MAML2: variants seen among roughly 807,000 people sequenced by gnomAD.
MAML2 encodes the protein mastermind-like protein 2.
Under a neutral mutation model 96.1 loss-of-function variants are expected in MAML2, and 22 were observed. The observed-to-expected ratio is 0.23, with a 90% confidence interval of 0.16 to 0.33. The LOEUF is 0.33. Ranked by LOEUF, MAML2 falls within the 10% of genes least tolerant of loss-of-function variation. MAML2 has a pLI of 1.00. For synonymous variants in MAML2, 561 were observed against 521.3 expected (o/e 1.08, Z -1.04); for missense variants, 1,367 against 1,392.4 (o/e 0.98, Z 0.29).
At chr11:96,059,258 T>C (rs985614229) in intron 2 of MAML2, among the ~76,000 whole-genome samples, 4 of 152,220 alleles carry the variant, frequency 2.6e-5, no homozygotes, top group South Asian at 4.1e-4. Context: ...AAATGGATGA[T>C]AGAATTTCAT....
chr11:96,003,268 A>C (rs758750014), intron 2 of MAML2, among the ~76,000 whole-genome samples: 2 of 152,112 alleles, frequency 1.3e-5, no homozygotes, highest in African/African-American at 2.4e-5. Context: ...CTGATGGAAT[A>C]AGAGTTCTAC....
At chr11:96,135,566 C>A (rs1485817500) in intron 1 of MAML2, among the ~76,000 whole-genome samples, 9 of 92,354 alleles carry the variant, frequency 9.7e-5, no homozygotes, top group East Asian at 7.6e-4. Flanking sequence ...TTTTTTTAAA[C>A]CGTGGTAATG....
chr11:96,232,765 C>A (rs1369831857), intron 1 of MAML2, among the ~76,000 whole-genome samples: 1 of 152,208 alleles, frequency 6.6e-6, no homozygotes, highest in African/African-American at 2.4e-5. Context: ...AGCCACCGCG[C>A]CCGGCCAAGG....
rs554151724 is a variant in MAML2, at chr11:96,057,517, T to G, written c.2139+34375A>C. ...TGGTAACCAAAATAAAATAGTATTG[T>G]TCCTCAAAAAGCTCCTAATAGAGCT... On this transcript the variant is annotated intron_variant, in intron 2 of 4. Coordinates refer to ENST00000524717, the MANE Select transcript of MAML2 (RefSeq NM_032427.4). Among the ~76,000 whole-genome samples, 5 of 152,352 alleles carry G rather than the reference T, an allele frequency of 3.3e-5. No homozygotes were observed. In the East Asian group the frequency reaches 9.6e-4, roughly 29 times the overall value.
At position 96,092,364 on chromosome 11, in the gene MAML2, G is replaced by C; in HGVS notation, c.1667C>G (p.Thr556Ser). 1 of 1,613,668 alleles carries C rather than the reference G, an allele frequency of 6.2e-7. No homozygotes were observed. The highest frequency in any genetic ancestry group is 8.5e-7 in the Non-Finnish European group (1 of 1,179,766). ...TGAGTTAAAATGAAACAAAGGCTTG[G>C]TGTTGCCCTGACGGGGCTCCATGGC... Reference protein sequence around the residue: ...HPAMEPRQGNTKPLFHFNSDQ... With the variant: ...HPAMEPRQGNSKPLFHFNSDQ... The change falls in exon 2 of 5, where the codon ACC (threonine) becomes AGC (serine). Residue 556 changes from threonine (T) to serine (S), a missense_variant. Thr to Ser is a moderately conservative substitution (Grantham distance 58). Coordinates refer to ENST00000524717, the MANE Select transcript of MAML2 (RefSeq NM_032427.4). This position sits in a 1 kb window ranked among gnomAD's most constrained non-coding sequence, Gnocchi z 4.1.
intron 2 of MAML2, among the ~76,000 whole-genome samples, chr11:96,055,958 T>A (rs537867918): frequency 7.9e-4 from 120 of 152,354 alleles, no homozygotes; most frequent in African/African-American, 2.8e-3. Flanking sequence ...AATAGCATTA[T>A]AACCTTTTTT....
At chr11:96,340,437 G>T (rs543549341) in intron 1 of MAML2, among the ~76,000 whole-genome samples, 1 of 152,230 alleles carries the variant, frequency 6.6e-6, no homozygotes. Flanking sequence ...AGCAGCTTTG[G>T]GGGGAAGCCT....
At chr11:96,164,049 AT>A (rs1007269268) in intron 1 of MAML2, among the ~76,000 whole-genome samples, 1 of 149,442 alleles carries the variant, frequency 6.7e-6, no homozygotes, top group Non-Finnish European at 1.5e-5. Flanking sequence ...TTTTTTTGGT[AT>A]TTTTAGTAAA....
chr11:96,091,856 C>G (rs781622085), intron 2 of MAML2, 36 bp downstream of exon 2: 3 of 1,590,590 alleles, frequency 1.9e-6, no homozygotes, highest in Admixed American at 1.7e-5. Context: ...TAAATGGTCT[C>G]TGGGAACTCT....
chr11:96,096,220 C>A (rs1218267714), intron 1 of MAML2, among the ~76,000 whole-genome samples: 1 of 152,190 alleles, frequency 6.6e-6, no homozygotes, highest in Non-Finnish European at 1.5e-5. Flanking sequence ...ACTGCTCTGG[C>A]CACTCCCTGG....
intron 2 of MAML2, among the ~76,000 whole-genome samples, chr11:96,070,345 A>T (rs996530819): frequency 6.6e-6 from 1 of 152,224 alleles, no homozygotes; most frequent in African/African-American, 2.4e-5. Context: ...CAGGGCTGAA[A>T]CATGCCCCTT....
At chr11:96,134,485 T>C (rs1860596783) in intron 1 of MAML2, among the ~76,000 whole-genome samples, 1 of 152,252 alleles carries the variant, frequency 6.6e-6, no homozygotes, top group Non-Finnish European at 1.5e-5. Flanking sequence ...TCTGGGATTA[T>C]TTATTTGTTT....
At chr11:96,091,261 C>T (rs1403454255) in intron 2 of MAML2, among the ~76,000 whole-genome samples, 2 of 152,162 alleles carry the variant, frequency 1.3e-5, no homozygotes, top group Non-Finnish European at 2.9e-5. Flanking sequence ...GGGTAAGATA[C>T]CCAAACTCTG....
intron 2 of MAML2, among the ~76,000 whole-genome samples, chr11:95,993,385 T>C (rs949530175): frequency 3.9e-5 from 6 of 152,116 alleles, no homozygotes; most frequent in African/African-American, 2.4e-5. Flanking sequence ...CTGGCCAACA[T>C]GGTTAAACCC....
chr11:96,112,382 A>G (rs1469389036), intron 1 of MAML2, among the ~76,000 whole-genome samples: 2 of 152,274 alleles, frequency 1.3e-5, no homozygotes, highest in Admixed American at 1.3e-4. Context: ...TCTCAGGAGC[A>G]TGGCCTCGGG....
chr11:96,030,844 G>T (rs1858602652), intron 2 of MAML2, among the ~76,000 whole-genome samples: 1 of 152,208 alleles, frequency 6.6e-6, no homozygotes, highest in African/African-American at 2.4e-5. Context: ...GCTACATCAA[G>T]ATCCCAAGGG....
intron 2 of MAML2, among the ~76,000 whole-genome samples, chr11:96,081,684 C>CT (rs1859531639): frequency 6.6e-6 from 1 of 152,144 alleles, no homozygotes; most frequent in African/African-American, 2.4e-5. Flanking sequence ...AGCAAACTAA[C>CT]GTTTGTCAAT....
chr11:96,020,741 C>T (rs746370629), intron 2 of MAML2, among the ~76,000 whole-genome samples: 7 of 152,162 alleles, frequency 4.6e-5, no homozygotes, highest in Non-Finnish European at 7.3e-5. Context: ...ATATTTTACA[C>T]ATTAATCATA....
At chr11:96,113,604 G>GAC (rs1555011478) in intron 1 of MAML2, among the ~76,000 whole-genome samples, 110 of 139,200 alleles carry the variant, frequency 7.9e-4, no homozygotes, top group Non-Finnish European at 1.4e-3. Context: ...CCCGTTGTTT[G>GAC]AAAAAAAAAA....
Sources: allele counts gnomAD v4.1 joint callset (sites outside exome capture counted in the v4.1 genomes callset), GRCh38; gene constraint gnomAD v4.1.1; non-coding constraint Gnocchi (gnomAD v3.1); transcripts MANE v1.5; gene names NCBI Gene and HGNC (gene_info 2026-07-23, HGNC 2026-07-21).